PRKDC: variants seen among roughly 807,000 people sequenced by gnomAD.
PRKDC encodes the protein DNA-dependent protein kinase catalytic subunit.
Under a neutral mutation model 486.9 loss-of-function variants are expected in PRKDC, and 82 were observed. The observed-to-expected ratio is 0.17, with a 90% CI of 0.14 to 0.20. PRKDC has a LOEUF of 0.20. Among genes scored for constraint, PRKDC ranks in the 10% least tolerant of loss-of-function variants. The pLI is 1.00. For synonymous variants in PRKDC, 1,895 were observed against 1,837.0 expected (o/e 1.03, Z -0.81); for missense variants, 4,504 against 5,038.2 (o/e 0.89, Z 3.21).
chr8:47,912,580 GTCAGCAATGTTTAAGTTA>G lies in PRKDC; in HGVS notation c.2782-36_2782-19del. The G allele has an allele frequency of 3.8e-6, 6 of 1,564,940 alleles. No homozygotes were observed. Among genetic ancestry groups the G allele is most frequent in the Non-Finnish European group, 4.3e-6 (5 of 1,152,482 alleles). On this transcript the variant is annotated intron_variant, in intron 24 of 85. Coordinates refer to ENST00000314191, the MANE Select transcript of PRKDC (RefSeq NM_006904.7). ...GCTGCAACCTAAAACAGACCAGGAG[GTCAGCAATGTTTAAGTTA>G]TCACGTTGATGACAAGAGAATATTT...
In PRKDC at chr8:47,826,743, C is replaced by T. The variant is rs752729212; in HGVS notation, c.8696G>A (p.Arg2899His). ...GGCAGGCAGCTCAGCAGGCAGCAGG[C>T]GGAGCAGAGCCTCCTCTAGCAGGCG... Reference protein sequence around the residue: ...GIRLLEEALLRLLPAELPAKR... With the variant: ...GIRLLEEALLHLLPAELPAKR... The change falls in exon 63 of 86, where the codon CGC becomes CAC. Residue 2899 changes from arginine to histidine, a missense_variant. Arg to His is a conservative substitution (Grantham distance 29). Coordinates refer to ENST00000314191, the MANE Select transcript of PRKDC (RefSeq NM_006904.7). The T allele has an allele frequency of 2.0e-5, 33 of 1,612,882 alleles. 1 individual carries two copies. Among genetic ancestry groups the T allele is most frequent in the African/African-American group, 1.1e-4 (8 of 74,904 alleles).
chr8:47,953,298 T>C (rs2090654929), intron 7 of PRKDC, among the ~76,000 whole-genome samples: 1 of 152,116 alleles, frequency 6.6e-6, no homozygotes, highest in Admixed American at 6.6e-5. Context: ...CAGAGCAAGA[T>C]TCTGTCTCAA....
intron 67 of PRKDC, among the ~76,000 whole-genome samples, chr8:47,817,971 A>T (rs1486875301): frequency 6.6e-6 from 1 of 152,222 alleles, no homozygotes; most frequent in Non-Finnish European, 1.5e-5. Context: ...TTCATAACTT[A>T]AGCTGTAGAG....
At chr8:47,889,350 C>T (rs752032428) in intron 32 of PRKDC, 128 bp from the exon 33 acceptor site, 4 of 733,204 alleles carry the variant, frequency 5.5e-6, no homozygotes, top group South Asian at 2.0e-5. Context: ...CTCTGTAAAA[C>T]GGGGGCACAG....
Position 47,858,579 on chromosome 8 carries a change from TC to T in PRKDC, c.6401del (p.Gly2134GlufsTer4). 6.4e-7 allele frequency: 1 copy of T among 1,562,024 alleles called. No individual in the cohort carries two copies. Among genetic ancestry groups the T allele is most frequent in the South Asian group, 1.2e-5 (1 of 82,976 alleles). On this transcript the variant is annotated frameshift_variant, in exon 48 of 86. Transcript: ENST00000314191. LOFTEE classifies it high-confidence loss of function. ...SWMKFLHGKL[G>X]NPIVPLNIRL... The stretch of plus-strand genomic sequence containing the variant: ...GGATATTTAATGGTACTATTGGATT[TC>T]CCAGTTTGCCATGGAGGAATTTCAT...
chr8:47,794,287 T>C lies in PRKDC; in HGVS notation c.10670+3A>G, dbSNP rs762657636. ...AACCTATTCCTTCTGTAATATTACC[T>C]ACCTTGCCACAAACTCCTTATTCTT... On this transcript the variant is annotated splice_donor_region_variant and intron_variant, in intron 74 of 85. Coordinates refer to ENST00000314191, the MANE Select transcript of PRKDC (RefSeq NM_006904.7). 1.9e-6 allele frequency: 3 copies of C among 1,605,834 alleles called. No homozygotes were observed. The highest frequency in any genetic ancestry group is 3.4e-5 in the Admixed American group (2 of 59,340).
intron 73 of PRKDC, 43 bp downstream of exon 73, chr8:47,798,185 ATCTTTAAGT>A: frequency 6.4e-7 from 1 of 1,563,298 alleles, no homozygotes; most frequent in Non-Finnish European, 8.7e-7. Context: ...AAATAAGCGT[ATCTTTAAGT>A]TCTGTAAAGT....
intron 74 of PRKDC, among the ~76,000 whole-genome samples, chr8:47,791,784 A>T (rs2086888155): frequency 6.6e-6 from 1 of 152,172 alleles, no homozygotes; most frequent in Non-Finnish European, 1.5e-5. Context: ...ACTATGAAGA[A>T]CACTATGGAG....
In PRKDC at chr8:47,849,635, T is replaced by C. The variant is rs533209527; in HGVS notation, c.7006-132A>G. 5.5e-5 allele frequency: 57 copies of C among 1,029,736 alleles called. No individual in the cohort carries two copies. In the South Asian group the frequency reaches 8.1e-4, roughly 15 times the overall value. 63.8% of individuals were successfully genotyped at this position (1,029,736 alleles called of 1,614,324 possible). On this transcript the variant is annotated intron_variant, in intron 52 of 85. Coordinates refer to ENST00000314191, the MANE Select transcript of PRKDC (RefSeq NM_006904.7). ...ATGTTGTCACCTACAAGGTAGATGATGGGACAGTAGGTGCTGGGGATGTCT... is the reference window on the plus strand; with the variant it reads ...ATGTTGTCACCTACAAGGTAGATGACGGGACAGTAGGTGCTGGGGATGTCT...
chr8:47,942,706 G>A (rs1016019868), intron 10 of PRKDC, among the ~76,000 whole-genome samples: 2 of 152,220 alleles, frequency 1.3e-5, no homozygotes, highest in Non-Finnish European at 2.9e-5. Context: ...CTGGAGACCA[G>A]TGCTCAGAAT....
At chr8:47,936,245 A>G in intron 12 of PRKDC, 108 bp downstream of exon 12, 2 of 1,252,858 alleles carry the variant, frequency 1.6e-6, no homozygotes, top group South Asian at 3.3e-5. Flanking sequence ...TAAAACTGTC[A>G]TGTTGTTCCC....
In PRKDC at chr8:47,939,534, A is replaced by G; in HGVS notation, c.1113+17T>C. 1.2e-6 allele frequency: 2 copies of G among 1,602,864 alleles called. No homozygotes were observed. Among genetic ancestry groups the G allele is most frequent in the Non-Finnish European group, 1.7e-6 (2 of 1,175,472 alleles). The stretch of plus-strand genomic sequence containing the variant: ...ACGTGAAACCAAGACAAAATAGAGT[A>G]AGTTAATGAGACATACTCCTGCAAA... On this transcript the variant is annotated intron_variant, in intron 11 of 85. Transcript: ENST00000314191.
chr8:47,899,825 T>C (rs184245908), intron 28 of PRKDC, among the ~76,000 whole-genome samples: 49 of 152,334 alleles, frequency 3.2e-4, no homozygotes, highest in Non-Finnish European at 5.7e-4. Flanking sequence ...TAGTTCCTAA[T>C]AGCTTCTTGC....
At chr8:47,877,505 C>T (rs1351325685) in intron 40 of PRKDC, among the ~76,000 whole-genome samples, 2 of 152,092 alleles carry the variant, frequency 1.3e-5, no homozygotes, top group African/African-American at 2.4e-5. Flanking sequence ...AAATGCTGAA[C>T]TTTGTTCAAT....
chr8:47,877,008 G>C (rs1214992414), intron 40 of PRKDC, among the ~76,000 whole-genome samples: 1 of 152,192 alleles, frequency 6.6e-6, no homozygotes, highest in African/African-American at 2.4e-5. Flanking sequence ...TCAACTATTA[G>C]TCTTGCCAAA....
intron 80 of PRKDC, among the ~76,000 whole-genome samples, chr8:47,781,591 G>GAA (rs1008533072): frequency 6.6e-6 from 1 of 151,842 alleles, no homozygotes; most frequent in African/African-American, 2.4e-5. Flanking sequence ...AAACAAAAAG[G>GAA]AAATAAAAAA....
In PRKDC at chr8:47,918,308, T is replaced by C. The variant is rs1360824795; in HGVS notation, c.2495A>G (p.Lys832Arg). Residue 832 changes from lysine to arginine, a missense_variant, in exon 22 of 86, where the codon AAG becomes AGG. Lys to Arg is a conservative substitution (Grantham distance 26). Around this residue, in one of 6 missense-constraint regions of PRKDC, gnomAD observed 1,969 missense variants for 2,068.9 expected, o/e 0.95. Coordinates refer to ENST00000314191, the MANE Select transcript of PRKDC (RefSeq NM_006904.7). ...AQKGFNKVVLKHLKKTKNLSS... is the reference protein window; with the variant it reads ...AQKGFNKVVLRHLKKTKNLSS... ...AAGGTTCTTTGTCTTCTTCAGATGC[T>C]TTAACACCACTTTATTAAATCCTTT... is the stretch of plus-strand genomic sequence containing the variant. 4.1e-5 allele frequency: 66 copies of C among 1,592,112 alleles called. No individual in the cohort carries two copies. The highest frequency in any genetic ancestry group is 5.0e-5 in the Non-Finnish European group (58 of 1,167,914).
intron 74 of PRKDC, among the ~76,000 whole-genome samples, chr8:47,791,652 GAGAAATGCAAATCAA>G (rs1262746256): frequency 6.6e-6 from 1 of 152,106 alleles, no homozygotes; most frequent in Non-Finnish European, 1.5e-5. Flanking sequence ...ATGAACATCA[GAGAAATGCAAATCAA>G]AACCACAACG....
intron 25 of PRKDC, 53 bp downstream of exon 25, chr8:47,912,357 G>C (rs2089918397): frequency 6.8e-7 from 1 of 1,466,466 alleles, no homozygotes; most frequent in Non-Finnish European, 9.1e-7. Context: ...CACTGAATTA[G>C]ACAAACCAAA....
Sources: allele counts gnomAD v4.1 joint callset (sites outside exome capture counted in the v4.1 genomes callset), GRCh38; gene constraint gnomAD v4.1.1; regional missense constraint gnomAD v4.1.1; transcripts MANE v1.5; gene names NCBI Gene and HGNC (gene_info 2026-07-23, HGNC 2026-07-21).